The following PPM1B variants were observed in gnomAD, a reference collection of about 807,000 sequenced individuals.
PPM1B encodes protein phosphatase 1B.
PPM1B carries 22 observed loss-of-function variants against 43.0 expected under a neutral mutation model. The observed-to-expected ratio is 0.51, with a 90% CI of 0.37 to 0.73. PPM1B has a LOEUF of 0.73. Among genes scored for constraint, PPM1B ranks in the 30% least tolerant of loss-of-function variants. PPM1B has a pLI of 0.00. For synonymous variants in PPM1B, 217 were observed against 197.9 expected (o/e 1.10, Z -0.81); for missense variants, 632 against 584.2 (o/e 1.08, Z -0.84).
At chr2:44,243,289 AT>A (rs1335111876) in intron 5 of PPM1B, among the ~76,000 whole-genome samples, 1 of 152,170 alleles carries the variant, frequency 6.6e-6, no homozygotes, top group Non-Finnish European at 1.5e-5. Flanking sequence ...AATAGGATTT[AT>A]TTTGTTTTAT....
At chr2:44,220,576 G>T (rs1669933520) in intron 5 of PPM1B, among the ~76,000 whole-genome samples, 1 of 152,226 alleles carries the variant, frequency 6.6e-6, no homozygotes, top group Non-Finnish European at 1.5e-5. Context: ...CACTGACAGT[G>T]TGTTGTATAG....
At chr2:44,216,501 G>A (rs571162200) in intron 3 of PPM1B, among the ~76,000 whole-genome samples, 1 of 152,310 alleles carries the variant, frequency 6.6e-6, no homozygotes, top group South Asian at 2.1e-4. Flanking sequence ...CATCGTGTAT[G>A]TGGGAGTATA....
At chr2:44,175,227 C>T (rs1667525944) in intron 1 of PPM1B, among the ~76,000 whole-genome samples, 1 of 151,978 alleles carries the variant, frequency 6.6e-6, no homozygotes, top group Non-Finnish European at 1.5e-5. Context: ...GCATTCCAGC[C>T]TGGGCAAAAG....
At chr2:44,224,328 G>C (rs1055472617) in intron 5 of PPM1B, among the ~76,000 whole-genome samples, 1 of 151,788 alleles carries the variant, frequency 6.6e-6, no homozygotes, top group East Asian at 1.9e-4. Flanking sequence ...GGTGGCGGGC[G>C]CCTGTAGTCC....
chr2:44,210,971 A>C (rs1255899428), intron 3 of PPM1B, among the ~76,000 whole-genome samples: 3 of 152,114 alleles, frequency 2.0e-5, no homozygotes, highest in African/African-American at 7.2e-5. Flanking sequence ...TCCCATCTGT[A>C]CTAAAAATAC....
chr2:44,239,718 G>C (rs923003601), intron 5 of PPM1B, among the ~76,000 whole-genome samples: 4 of 151,974 alleles, frequency 2.6e-5, no homozygotes, highest in Non-Finnish European at 4.4e-5. Flanking sequence ...CATATATTTA[G>C]GTTTTTAATC....
intron 3 of PPM1B, among the ~76,000 whole-genome samples, chr2:44,216,462 A>G (rs1299551500): frequency 6.6e-6 from 1 of 152,220 alleles, no homozygotes; most frequent in African/African-American, 2.4e-5. Flanking sequence ...TCCTGCTTTC[A>G]TGAAGCTTGC....
chr2:44,204,822 G>C (rs1669093995), intron 2 of PPM1B, among the ~76,000 whole-genome samples: 1 of 129,398 alleles, frequency 7.7e-6, no homozygotes, highest in South Asian at 2.4e-4. Flanking sequence ...TCACGCCACT[G>C]CACTCCAGTC....
At chr2:44,175,349 C>T (rs1453379549) in intron 1 of PPM1B, among the ~76,000 whole-genome samples, 1 of 152,150 alleles carries the variant, frequency 6.6e-6, no homozygotes, top group Non-Finnish European at 1.5e-5. Flanking sequence ...GGGAGGCTTT[C>T]TGCTTTTATT....
At chr2:44,220,263 CATAT>C (rs146623821) in intron 5 of PPM1B, among the ~76,000 whole-genome samples, 2 of 146,906 alleles carry the variant, frequency 1.4e-5, no homozygotes, top group African/African-American at 5.0e-5. Context: ...TTTAAAAATA[CATAT>C]ATATATATAT....
intron 1 of PPM1B, among the ~76,000 whole-genome samples, chr2:44,184,985 T>C (rs981349459): frequency 2.1e-4 from 32 of 149,070 alleles, no homozygotes; most frequent in African/African-American, 7.2e-4. Context: ...GATACTGTTG[T>C]GTTAGTGAAG....
downstream of PPM1B, among the ~76,000 whole-genome samples, chr2:44,237,175 T>C (rs2104290172): frequency 6.6e-6 from 1 of 152,386 alleles, no homozygotes; most frequent in African/African-American, 2.4e-5. Flanking sequence ...CTGTCGTTTT[T>C]ATGCTAAATT....
chr2:44,230,639 C>CT lies in PPM1B; in HGVS notation c.1362dup (p.Glu455Ter). On this transcript the variant is annotated frameshift_variant, in exon 6 of 6. Transcript: ENST00000282412. LOFTEE classifies it high-confidence loss of function. ...CCAGTGACAATGCAGGAAAGCCATA[C>CT]TGAATCAGAAAGTGGTCTTGCTGAA... 1 of 1,614,174 alleles carries CT rather than the reference C, an allele frequency of 6.2e-7. No homozygotes were observed. Among genetic ancestry groups the CT allele is most frequent in the Non-Finnish European group, 8.5e-7 (1 of 1,180,002 alleles).
chr2:44,195,711 G>A (rs913004995), intron 1 of PPM1B, among the ~76,000 whole-genome samples: 14 of 152,324 alleles, frequency 9.2e-5, no homozygotes, highest in African/African-American at 3.4e-4. Flanking sequence ...AACCTATTTA[G>A]TAATCTTCTC....
chr2:44,174,628 A>T (rs1375005446), intron 1 of PPM1B, among the ~76,000 whole-genome samples: 3 of 152,278 alleles, frequency 2.0e-5, no homozygotes, highest in African/African-American at 7.2e-5. Context: ...GTTGTTTGCC[A>T]GAGAAGAAGC....
intron 5 of PPM1B, among the ~76,000 whole-genome samples, chr2:44,226,938 T>TTATG (rs987025018): frequency 7.7e-6 from 1 of 130,614 alleles, no homozygotes; most frequent in Non-Finnish European, 1.7e-5. Flanking sequence ...AACTTTTTAT[T>TTATG]TATTTATTTA....
At chr2:44,203,310 G>T (rs1669023889) in intron 2 of PPM1B, among the ~76,000 whole-genome samples, 1 of 152,094 alleles carries the variant, frequency 6.6e-6, no homozygotes, top group Admixed American at 6.6e-5. Context: ...GTTAAGTAAA[G>T]AAGTATTGAT....
At chr2:44,179,486 C>T (rs1389802287) in intron 1 of PPM1B, among the ~76,000 whole-genome samples, 1 of 152,102 alleles carries the variant, frequency 6.6e-6, no homozygotes, top group Non-Finnish European at 1.5e-5. Context: ...GAGAGTCTCT[C>T]TCTCTCTCTT....
downstream of PPM1B, among the ~76,000 whole-genome samples, chr2:44,235,174 G>A (rs370921282): frequency 6.6e-6 from 1 of 152,212 alleles, no homozygotes; most frequent in Non-Finnish European, 1.5e-5. Context: ...AATCCACTGG[G>A]TCTGTCTTGC....
Sources: allele counts gnomAD v4.1 joint callset (sites outside exome capture counted in the v4.1 genomes callset), GRCh38; gene constraint gnomAD v4.1.1; transcripts MANE v1.5; gene names NCBI Gene and HGNC (gene_info 2026-07-23, HGNC 2026-07-21).